CSMD3: variants seen among roughly 807,000 people sequenced by gnomAD.
The protein encoded by CSMD3 is CUB and Sushi multiple domains 3, also known as CUB and sushi domain-containing protein 3.
CSMD3 carries 177 observed loss-of-function variants against 435.2 expected under a neutral mutation model. The observed-to-expected ratio is 0.41, with a 90% CI of 0.36 to 0.46. The LOEUF (loss-of-function observed/expected upper bound fraction) is 0.46. Ranked by LOEUF, CSMD3 falls within the 20% of genes least tolerant of loss-of-function variation. The pLI, the probability that CSMD3 is intolerant of heterozygous loss-of-function variation, is 0.34. For synonymous variants in CSMD3, 1,656 were observed against 1,520.5 expected, an observed-to-expected ratio of 1.09 and a Z score of -2.07; for missense variants, 4,265 against 4,504.6, an observed-to-expected ratio of 0.95 and a Z score of 1.52.
chr8:113,054,370 G>A (rs1396674808), intron 5 of CSMD3, among the ~76,000 whole-genome samples: 1 of 152,054 alleles, frequency 6.6e-6, no homozygotes, highest in African/African-American at 2.4e-5. Flanking sequence ...ACTACTGGGA[G>A]ATACGTGTTT....
In CSMD3 at chr8:112,223,699, A is replaced by T. The variant is rs375197169; in HGVS notation, c.*1072T>A. The T allele has an allele frequency of 2.0e-5, 3 of 152,276 alleles. No homozygotes were observed. The highest frequency in any genetic ancestry group is 4.8e-5 in the African/African-American group (2 of 41,578). 9.4% of individuals were successfully genotyped at this position (152,276 alleles called of 1,614,324 possible). A position where few individuals can be genotyped will look rare whatever the true frequency, so the allele number is the denominator to read the frequency against. On this transcript the variant is annotated 3_prime_UTR_variant, in exon 71 of 71. Coordinates refer to ENST00000297405, the MANE Select transcript of CSMD3 (RefSeq NM_198123.2). ...ATAATAATAATTTTTTTCAGTCATTATGTTTAGTGGCTAGACCAAAATATT... is the reference window on the plus strand; with the variant it reads ...ATAATAATAATTTTTTTCAGTCATTTTGTTTAGTGGCTAGACCAAAATATT...
At position 112,503,982 on chromosome 8, in the gene CSMD3, A is replaced by G. The variant is rs1478272827; in HGVS notation, c.4896-5T>C. 1.9e-6 allele frequency: 3 copies of G among 1,542,256 alleles called. No homozygotes were observed. Among genetic ancestry groups the G allele is most frequent in the Non-Finnish European group, 1.8e-6 (2 of 1,120,560 alleles). ...TAGTTTGGTTCTATGCTAAAACTGAAAAAAAAAAGGAAAGAACAAAAGAAA... is the reference window on the plus strand; with the variant it reads ...TAGTTTGGTTCTATGCTAAAACTGAGAAAAAAAAGGAAAGAACAAAAGAAA... On this transcript the variant is annotated splice_polypyrimidine_tract_variant and splice_region_variant and intron_variant, in intron 29 of 70. Transcript: ENST00000297405.
chr8:112,439,696 A>G (rs1388198008), intron 32 of CSMD3, among the ~76,000 whole-genome samples: 1 of 152,120 alleles, frequency 6.6e-6, no homozygotes, highest in African/African-American at 2.4e-5. Context: ...GGAGAAAGCA[A>G]ACACATCTTT....
At position 112,883,301 on chromosome 8, in the gene CSMD3, A is replaced by G. The variant is rs190480059; in HGVS notation, c.1634-24035T>C. ...AATATGAGCTACTTCTGGAATATAA[A>G]TCGTTGGTTTGTAATGTCTGATTCA... On this transcript the variant is annotated intron_variant, in intron 10 of 70. Transcript: ENST00000297405. Among the ~76,000 whole-genome samples, 126 of 152,098 alleles carry G rather than the reference A, an allele frequency of 8.3e-4. 1 individual carries two copies. Among genetic ancestry groups the G allele is most frequent in the African/African-American group, 2.9e-3 (122 of 41,546 alleles).
chr8:113,352,094 C>T (rs996614448), intron 1 of CSMD3, among the ~76,000 whole-genome samples: 1 of 152,078 alleles, frequency 6.6e-6, no homozygotes, highest in African/African-American at 2.4e-5. Context: ...AATTGCTACA[C>T]AATATCACTT....
chr8:113,179,680 T>C (rs901957745), intron 3 of CSMD3, among the ~76,000 whole-genome samples: 2 of 151,822 alleles, frequency 1.3e-5, no homozygotes, highest in African/African-American at 2.4e-5. Context: ...AAAATCCAGA[T>C]AATTTTCAAA....
rs752009531 is a variant in CSMD3, at chr8:112,304,909, G to T, written c.8078C>A (p.Thr2693Lys). The T allele has an allele frequency of 6.2e-7, 1 of 1,612,886 alleles. No homozygotes were observed. Among genetic ancestry groups the T allele is most frequent in the Non-Finnish European group, 8.5e-7 (1 of 1,179,354 alleles). Reference sequence around the variant, plus strand: ...GATAAAGGAATTGATGCTTGGACATGTAACAACTATACAAAAACCAAAGGG... The same window carrying T: ...GATAAAGGAATTGATGCTTGGACATTTAACAACTATACAAAAACCAAAGGG... ...HNKTPRCVVV[T>K]CPSINSFILE... The change falls in exon 52 of 71, where the codon ACA (threonine) becomes AAA (lysine). Residue 2693 changes from threonine (T) to lysine (K), a missense_variant. Coordinates refer to ENST00000297405, the MANE Select transcript of CSMD3 (RefSeq NM_198123.2).
chr8:112,755,794 G>T (rs1210539323), intron 13 of CSMD3, among the ~76,000 whole-genome samples: 2 of 148,226 alleles, frequency 1.3e-5, no homozygotes, highest in Non-Finnish European at 3.0e-5. Flanking sequence ...TATATACTTT[G>T]CATATATTAT....
chr8:113,123,984 C>T lies in CSMD3; in HGVS notation c.710-25021G>A, dbSNP rs115976666. ...ATTTAATTCCATACTGGGCAATCACCTTTTTGTATCTACCAAAGCCCCCAA... is the reference window on the plus strand; with the variant it reads ...ATTTAATTCCATACTGGGCAATCACTTTTTTGTATCTACCAAAGCCCCCAA... On this transcript the variant is annotated intron_variant, in intron 4 of 70. Coordinates refer to ENST00000297405, the MANE Select transcript of CSMD3 (RefSeq NM_198123.2). Among the ~76,000 whole-genome samples, 948 of 152,068 alleles carry T rather than the reference C, an allele frequency of 6.2e-3. 8 individuals are homozygous for T. The highest frequency in any genetic ancestry group is 0.022 in the African/African-American group (905 of 41,528).
chr8:112,534,458 C>T (rs1825855851), intron 27 of CSMD3, among the ~76,000 whole-genome samples: 1 of 152,140 alleles, frequency 6.6e-6, no homozygotes, highest in African/African-American at 2.4e-5. Context: ...TCGACACATA[C>T]ACTCTCCCAA....
intron 45 of CSMD3, among the ~76,000 whole-genome samples, chr8:112,330,599 A>G (rs1455686189): frequency 1.3e-5 from 2 of 152,122 alleles, no homozygotes; most frequent in Admixed American, 6.6e-5. Flanking sequence ...GAAACTATAA[A>G]GAATACATTG....
chr8:113,042,216 T>C (rs577367034), intron 5 of CSMD3, among the ~76,000 whole-genome samples: 1 of 152,274 alleles, frequency 6.6e-6, no homozygotes, highest in Non-Finnish European at 1.5e-5. Flanking sequence ...GTCACTGGGG[T>C]TATATTGCAC....
chr8:112,306,945 C>A (rs1248829187), intron 50 of CSMD3, among the ~76,000 whole-genome samples: 1 of 151,238 alleles, frequency 6.6e-6, no homozygotes, highest in African/African-American at 2.4e-5. Flanking sequence ...TTATACTTTA[C>A]AATTTTAAAA....
At chr8:112,974,735 T>A (rs2084782951) in intron 7 of CSMD3, among the ~76,000 whole-genome samples, 1 of 151,876 alleles carries the variant, frequency 6.6e-6, no homozygotes, top group Admixed American at 6.6e-5. Context: ...CAGTACAAAT[T>A]CGAATGGAAA....
At chr8:113,436,161 T>C (rs2094704956) in intron 1 of CSMD3, among the ~76,000 whole-genome samples, 1 of 152,176 alleles carries the variant, frequency 6.6e-6, no homozygotes, top group South Asian at 2.1e-4. Context: ...TACATATGCA[T>C]GCAGACATTC....
Position 112,438,747 on chromosome 8 carries a change from A to C in CSMD3, c.5396-29715T>G, listed in dbSNP as rs565988739. Among the ~76,000 whole-genome samples, 21 of 152,326 alleles carry C rather than the reference A, an allele frequency of 1.4e-4. 1 individual carries two copies. In the South Asian group the frequency reaches 4.3e-3, roughly 32 times the overall value. Reference sequence around the variant, plus strand: ...ATCCATCTAGATATAGCTAGTGCTCAACAGGAAAGACTCATAAAAGGGTAG... The same window carrying C: ...ATCCATCTAGATATAGCTAGTGCTCCACAGGAAAGACTCATAAAAGGGTAG... On this transcript the variant is annotated intron_variant, in intron 32 of 70. Transcript: ENST00000297405.
intron 22 of CSMD3, among the ~76,000 whole-genome samples, chr8:112,600,708 C>T (rs547800986): frequency 1.2e-4 from 18 of 151,120 alleles, no homozygotes; most frequent in African/African-American, 7.3e-5. Flanking sequence ...TTTTTTGAGA[C>T]GGAGTCTCCC....
chr8:112,671,664 G>C (rs2075658949), intron 16 of CSMD3, among the ~76,000 whole-genome samples: 1 of 152,012 alleles, frequency 6.6e-6, no homozygotes, highest in Non-Finnish European at 1.5e-5. Flanking sequence ...ATCATGACTT[G>C]ATCAGAAACA....
rs141677362 is a variant in CSMD3 at position 112,782,678 on chromosome 8, A to G, written c.1972+17484T>C. On this transcript the variant is annotated intron_variant, in intron 13 of 70. Coordinates refer to ENST00000297405, the MANE Select transcript of CSMD3 (RefSeq NM_198123.2). ...AACTCCTAAAGGTCAAGGATAAAGAAAGGATTTTAACAGCAGAAAGAGAAA... is the reference window on the plus strand; with the variant it reads ...AACTCCTAAAGGTCAAGGATAAAGAGAGGATTTTAACAGCAGAAAGAGAAA... 3.7e-3 allele frequency among the ~76,000 whole-genome samples: 565 copies of G among 152,236 alleles called. 6 individuals are homozygous for G. The highest frequency in any genetic ancestry group is 5.6e-3 in the Non-Finnish European group (378 of 68,004).
Sources: allele counts gnomAD v4.1 joint callset (sites outside exome capture counted in the v4.1 genomes callset), GRCh38; gene constraint gnomAD v4.1.1; transcripts MANE v1.5; gene names NCBI Gene and HGNC (gene_info 2026-07-23, HGNC 2026-07-21).